Variants in FAM81B observed in about 807,000 individuals in gnomAD.
The protein encoded by FAM81B is protein FAM81B.
A neutral mutation model predicts 58.7 loss-of-function variants in FAM81B; 60 were observed. The ratio of observed to expected loss-of-function variants is 1.02; its 90% CI spans 0.83 to 1.27. The LOEUF is 1.27. Among genes scored for constraint, FAM81B ranks in the 50% most tolerant of loss-of-function variants. FAM81B has a pLI of 0.00. For missense variants in FAM81B, 491 were observed against 522.0 expected (o/e 0.94, Z 0.58); for synonymous variants, 189 against 179.6 (o/e 1.05, Z -0.42).
intron 3 of FAM81B, among the ~76,000 whole-genome samples, chr5:95,402,299 A>C (rs1762135175): frequency 6.6e-6 from 1 of 152,192 alleles, no homozygotes; most frequent in South Asian, 2.1e-4. Context: ...TCCTTGTGGC[A>C]ATGCAAATAG....
At chr5:95,391,635 C>A in intron 1 of FAM81B, 122 bp downstream of exon 1, 2 of 1,092,288 alleles carry the variant, frequency 1.8e-6, no homozygotes, top group Non-Finnish European at 2.5e-6. Flanking sequence ...TTGGGCACAA[C>A]AGAGTAATAA....
intron 3 of FAM81B, among the ~76,000 whole-genome samples, chr5:95,399,435 T>G (rs1762048987): frequency 6.6e-6 from 1 of 152,186 alleles, no homozygotes; most frequent in Non-Finnish European, 1.5e-5. Context: ...GGTGCTACTA[T>G]CAGCCACAGT....
chr5:95,428,306 C>T (rs1358669754), intron 5 of FAM81B, among the ~76,000 whole-genome samples: 2 of 152,138 alleles, frequency 1.3e-5, no homozygotes, highest in African/African-American at 4.8e-5. Context: ...ACTCCTATGA[C>T]TAAGTTAATA....
chr5:95,430,422 T>G lies in FAM81B; in HGVS notation c.786+1690T>G, dbSNP rs371063367. The stretch of plus-strand genomic sequence containing the variant: ...TATATGTAAATAAATAGTATATATA[T>G]AGAGCTATGCTTTTAAAAAAAAAAA... On this transcript the variant is annotated intron_variant, in intron 6 of 9. Transcript: ENST00000283357. 3.0e-4 allele frequency among the ~76,000 whole-genome samples: 44 copies of G among 145,964 alleles called. 2 individuals carry two copies. In the South Asian group the frequency reaches 5.1e-3, roughly 17 times the overall value.
chr5:95,399,039 G>A (rs1441620548), intron 3 of FAM81B, among the ~76,000 whole-genome samples: 1 of 152,188 alleles, frequency 6.6e-6, no homozygotes, highest in Non-Finnish European at 1.5e-5. Context: ...AGGAACTGAG[G>A]ATTTTTACTG....
chr5:95,413,699 A>C (rs1006408332), intron 3 of FAM81B, among the ~76,000 whole-genome samples: 2 of 152,186 alleles, frequency 1.3e-5, no homozygotes, highest in Non-Finnish European at 2.9e-5. Flanking sequence ...GAAGGCTTCT[A>C]ACATCTTCTT....
Position 95,440,452 on chromosome 5 carries a change from T to C in FAM81B, c.893+3546T>C, listed in dbSNP as rs56853494. ...ATTCGAATTTTGGTTCAGGAGCACC[T>C]GACAGGATGCAGTTGCTAAGGCAAA... is the stretch of plus-strand genomic sequence containing the variant. On this transcript the variant is annotated intron_variant, in intron 7 of 9. Coordinates refer to ENST00000283357, the MANE Select transcript of FAM81B (RefSeq NM_152548.3). The C allele has an allele frequency of 6.7e-3, 4,300 of 641,050 alleles. 140 individuals carry two copies. The African/African-American group carries it at 0.069, about 10-fold the overall frequency. 39.7% of individuals were successfully genotyped at this position (641,050 alleles called of 1,614,324 possible). A position where few individuals can be genotyped will look rare whatever the true frequency, so the allele number is the denominator to read the frequency against.
rs1745303137 is a variant in FAM81B, at chr5:95,440,694, CT to C, written c.893+3791del. On this transcript the variant is annotated intron_variant, in intron 7 of 9. Transcript: ENST00000283357. ...ACTGGGAAAAGTTGGAAGATGAACA[CT>C]TTAGGACTTCAGCTTCTCACCTATT... 17 of 782,204 alleles carry C rather than the reference CT, an allele frequency of 2.2e-5. No individual in the cohort carries two copies. The South Asian group carries it at 3.5e-4, about 16-fold the overall frequency. The allele number at this position is 782,204 out of a possible 1,614,324, so 48.5% of individuals were successfully genotyped here.
At position 95,450,164 on chromosome 5, in the gene FAM81B, A is replaced by T. The variant is rs1745745217; in HGVS notation, c.1241A>T (p.His414Leu). 1 of 1,611,746 alleles carries T rather than the reference A, an allele frequency of 6.2e-7. No homozygotes were observed. ...CCTCTTACAGGATTTAAATCAATTC[A>T]TGACTCTCTCAGCTCCCTCCAACAA... ...NEYQSGFKSI[H>L]DSLSSLQQIQ... The change falls in exon 10 of 10, where the codon CAT (histidine) becomes CTT (leucine). Residue 414 changes from histidine (H) to leucine (L), a missense_variant. Transcript: ENST00000283357.
rs577441893 is a variant in FAM81B at position 95,396,123 on chromosome 5, C to G, written c.241C>G (p.Pro81Ala). 2 of 1,608,252 alleles carry G rather than the reference C, an allele frequency of 1.2e-6. No homozygotes were observed. Among genetic ancestry groups the G allele is most frequent in the Non-Finnish European group, 1.7e-6 (2 of 1,177,910 alleles). The change falls in exon 3 of 10, where the codon CCA becomes GCA. Residue 81 changes from proline to alanine, a missense_variant. By Grantham distance (27) the Pro-to-Ala change is conservative. Transcript: ENST00000283357. ...NNQEKKVRLS[P>A]AKMSTKNSTD... is the part of the protein sequence containing the mutation. The stretch of plus-strand genomic sequence containing the variant: ...ACCTTTGTTTTAGGTAAGATTATCT[C>G]CAGCCAAAATGTCAACCAAGAATTC...
chr5:95,440,219 CG>C, intron 7 of FAM81B: 1 of 659,152 alleles, frequency 1.5e-6, no homozygotes, highest in Non-Finnish European at 2.9e-6. Flanking sequence ...ACTGGCTTCT[CG>C]GTCTAGCTGT....
intron 4 of FAM81B, among the ~76,000 whole-genome samples, chr5:95,415,955 T>C (rs1176472150): frequency 6.6e-6 from 1 of 152,200 alleles, no homozygotes; most frequent in African/African-American, 2.4e-5. Flanking sequence ...TAATTGACTA[T>C]CTTAGATTAG....
At position 95,391,477 on chromosome 5, in the gene FAM81B, A is replaced by G; in HGVS notation, c.88A>G (p.Lys30Glu). 1 of 1,611,900 alleles carries G rather than the reference A, an allele frequency of 6.2e-7. No individual in the cohort carries two copies. Among genetic ancestry groups the G allele is most frequent in the Non-Finnish European group, 8.5e-7 (1 of 1,179,794 alleles). ...GTTTTTCAAAAATATCAAATCTACAAAAAATAAAGCTGGAAAAGCAAGCAT... is the reference window on the plus strand; with the variant it reads ...GTTTTTCAAAAATATCAAATCTACAGAAAATAAAGCTGGAAAAGCAAGCAT... ...RLFFKNIKSTKNKAGKASIMS... is the reference protein window; with the variant it reads ...RLFFKNIKSTENKAGKASIMS... The change falls in exon 1 of 10, where the codon AAA (lysine) becomes GAA (glutamate). Residue 30 changes from lysine (K) to glutamate (E), a missense_variant. Physicochemically the swap from Lys to Glu is moderately conservative, Grantham distance 56 (BLOSUM62 1). Transcript: ENST00000283357.
intron 1 of FAM81B, 92 bp from the exon 2 acceptor site, chr5:95,392,702 C>G: frequency 1.0e-6 from 1 of 1,003,566 alleles, no homozygotes; most frequent in Non-Finnish European, 1.5e-6. Flanking sequence ...GCTATATGTA[C>G]AGAAACTGCC....
At chr5:95,392,720 A>T in intron 1 of FAM81B, 74 bp from the exon 2 acceptor site, 1 of 1,089,204 alleles carries the variant, frequency 9.2e-7, no homozygotes, top group South Asian at 1.6e-5. Flanking sequence ...GCCCTCAATT[A>T]AAAAAAAATT....
rs150332638 is a variant in FAM81B at position 95,416,255 on chromosome 5, C to A, written c.537+2065C>A. ...AACCTAACCTCATTAACCAGGTCAG[C>A]CCATTTGCAAGTTGGCTATCAAGAT... On this transcript the variant is annotated intron_variant, in intron 4 of 9. Transcript: ENST00000283357. Among the ~76,000 whole-genome samples the A allele has an allele frequency of 1.9e-3, 284 of 152,294 alleles. 1 individual carries two copies. The highest frequency in any genetic ancestry group is 6.6e-3 in the African/African-American group (274 of 41,558).
At chr5:95,423,312 C>T (rs1762735106) in intron 5 of FAM81B, among the ~76,000 whole-genome samples, 1 of 152,088 alleles carries the variant, frequency 6.6e-6, no homozygotes, top group Admixed American at 6.5e-5. Context: ...CCCAAAGTTG[C>T]CAGCCTGCTT....
chr5:95,444,532 A>G (rs1745482996), intron 7 of FAM81B, among the ~76,000 whole-genome samples: 1 of 152,198 alleles, frequency 6.6e-6, no homozygotes, highest in Non-Finnish European at 1.5e-5. Flanking sequence ...GAGTCTACGT[A>G]TCCAGTGGGT....
intron 6 of FAM81B, among the ~76,000 whole-genome samples, chr5:95,430,505 C>CT (rs1234499624): frequency 3.3e-5 from 5 of 150,826 alleles, no homozygotes; most frequent in South Asian, 2.1e-4. Context: ...CCTTCCTTAT[C>CT]TTTTTTTACA....
Sources: allele counts gnomAD v4.1 joint callset (sites outside exome capture counted in the v4.1 genomes callset), GRCh38; gene constraint gnomAD v4.1.1; transcripts MANE v1.5; gene names NCBI Gene and HGNC (gene_info 2026-07-23, HGNC 2026-07-21).